COMMD1: variants seen among roughly 807,000 people sequenced by gnomAD.
COMMD1 encodes the protein COMM domain-containing protein 1.
In COMMD1, 10 loss-of-function variants were observed where a neutral mutation model predicts 17.2. The ratio of observed to expected loss-of-function variants is 0.58; its 90% CI spans 0.36 to 0.99. The LOEUF is 0.99. Among genes scored for constraint, COMMD1 ranks in the 50% least tolerant of loss-of-function variants. The pLI is 0.01. For missense variants in COMMD1, 270 were observed against 231.8 expected, an observed-to-expected ratio of 1.17 and a Z score of -1.07; for synonymous variants, 97 against 91.6, an observed-to-expected ratio of 1.06 and a Z score of -0.34.
intron 2 of COMMD1, among the ~76,000 whole-genome samples, chr2:62,093,392 A>C (rs1327043111): frequency 6.6e-6 from 1 of 152,186 alleles, no homozygotes; most frequent in Admixed American, 6.5e-5. Flanking sequence ...TTTTCCCATG[A>C]TACTATTTTT....
At chr2:62,009,601 CA>C (rs548120221) in intron 2 of COMMD1, among the ~76,000 whole-genome samples, 5,853 of 72,876 alleles carry the variant, frequency 0.08, 158 homozygotes, top group East Asian at 0.15. Flanking sequence ...GAGACTGTCT[CA>C]AAAAAAAAAA....
intron 1 of COMMD1, among the ~76,000 whole-genome samples, chr2:61,975,118 CTT>C: frequency 0.025 from 1,997 of 80,202 alleles, 21 homozygotes; most frequent in African/African-American, 0.06. Context: ...TCATTTCTTT[CTT>C]TTTTTTTTTT....
At chr2:62,065,807 GA>G (rs1196761681) in intron 2 of COMMD1, among the ~76,000 whole-genome samples, 1 of 152,186 alleles carries the variant, frequency 6.6e-6, no homozygotes, top group Non-Finnish European at 1.5e-5. Flanking sequence ...AATTAATGTA[GA>G]TGTTTCTGTG....
At chr2:62,119,751 C>T (rs1672695794) in intron 2 of COMMD1, among the ~76,000 whole-genome samples, 1 of 152,112 alleles carries the variant, frequency 6.6e-6, no homozygotes, top group African/African-American at 2.4e-5. Flanking sequence ...AACTGCAATC[C>T]CAGAATTGGT....
At chr2:62,125,296 CTCTA>C (rs1672856897) in intron 2 of COMMD1, among the ~76,000 whole-genome samples, 1 of 152,198 alleles carries the variant, frequency 6.6e-6, no homozygotes. Context: ...TTCCTGCAGA[CTCTA>C]TCTTAGTCCC....
intron 2 of COMMD1, among the ~76,000 whole-genome samples, chr2:62,017,733 A>G (rs768457390): frequency 4.6e-5 from 7 of 151,662 alleles, no homozygotes; most frequent in Non-Finnish European, 8.8e-5. Context: ...TGTTCATGTA[A>G]TTCTTTAAAA....
intron 2 of COMMD1, among the ~76,000 whole-genome samples, chr2:62,057,312 C>T (rs192606960): frequency 1.2e-3 from 175 of 152,170 alleles, no homozygotes; most frequent in Middle Eastern, 6.8e-3. Flanking sequence ...TAGCCAAAAA[C>T]GATAATGTAA....
At position 62,039,366 on chromosome 2, in the gene COMMD1, G is replaced by C. The variant is rs571298840; in HGVS notation, c.462+38384G>C. ...TCCTGGCAGTTGTCCCAGCCTTAAA[G>C]AGAACAAGCCTGTGCTCTTCCCTTT... On this transcript the variant is annotated intron_variant, in intron 2 of 2. Coordinates refer to ENST00000311832, the MANE Select transcript of COMMD1 (RefSeq NM_152516.4). Among the ~76,000 whole-genome samples the C allele has an allele frequency of 2.6e-5, 4 of 152,374 alleles. No homozygotes were observed. The East Asian group carries it at 7.7e-4, about 29-fold the overall frequency.
chr2:62,001,707 A>G (rs1431927809), intron 2 of COMMD1, among the ~76,000 whole-genome samples: 1 of 152,244 alleles, frequency 6.6e-6, no homozygotes, highest in East Asian at 1.9e-4. Flanking sequence ...TTTCAGATAA[A>G]TAATCAAATA....
At chr2:61,962,979 G>A (rs140185168) in intron 1 of COMMD1, among the ~76,000 whole-genome samples, 2,608 of 151,978 alleles carry the variant, frequency 0.017, 53 homozygotes, top group Non-Finnish European at 0.027. Flanking sequence ...TGGCCAACAT[G>A]GTGAAACCCC....
At chr2:62,131,205 C>G (rs566370659) in intron 2 of COMMD1, among the ~76,000 whole-genome samples, 1 of 152,110 alleles carries the variant, frequency 6.6e-6, no homozygotes, top group Non-Finnish European at 1.5e-5. Context: ...CTATTTAAAC[C>G]GTTGAGTTTA....
At chr2:61,891,445 C>G (rs1669427471) in intron 1 of COMMD1, among the ~76,000 whole-genome samples, 1 of 152,086 alleles carries the variant, frequency 6.6e-6, no homozygotes, top group South Asian at 2.1e-4. Flanking sequence ...AATATTAAAA[C>G]CTAAACATGG....
chr2:62,056,132 G>A (rs748550161), intron 2 of COMMD1, among the ~76,000 whole-genome samples: 7 of 152,150 alleles, frequency 4.6e-5, no homozygotes, highest in Non-Finnish European at 1.0e-4. Context: ...TCACTACTTG[G>A]GTCAAAGAGT....
intron 2 of COMMD1, among the ~76,000 whole-genome samples, chr2:62,080,539 T>G (rs775179508): frequency 2.0e-5 from 3 of 151,932 alleles, no homozygotes; most frequent in Non-Finnish European, 4.4e-5. Flanking sequence ...GAAACAGGAG[T>G]TCATAGTCCC....
rs1245532552 is a variant in COMMD1 at position 62,103,837 on chromosome 2, C to T, written c.463-31994C>T. On this transcript the variant is annotated intron_variant, in intron 2 of 2. Coordinates refer to ENST00000311832, the MANE Select transcript of COMMD1 (RefSeq NM_152516.4). Reference sequence around the variant, plus strand: ...TCAATAATTAGAACTGTAATGTGTGCCGTCAGTATTTTTTTTTTTCCAAGA... The same window carrying T: ...TCAATAATTAGAACTGTAATGTGTGTCGTCAGTATTTTTTTTTTTCCAAGA... Among the ~76,000 whole-genome samples the T allele has an allele frequency of 2.6e-5, 4 of 151,854 alleles. No individual in the cohort carries two copies. In the South Asian group the frequency reaches 6.2e-4, roughly 24 times the overall value.
At chr2:61,915,613 T>C (rs1388344736) in intron 1 of COMMD1, 3 of 420,814 alleles carry the variant, frequency 7.1e-6, no homozygotes, top group Non-Finnish European at 1.4e-5. Flanking sequence ...CCTCAGCCTT[T>C]TGAGTAGCTG....
intron 1 of COMMD1, among the ~76,000 whole-genome samples, chr2:61,966,403 TA>T (rs1245058693): frequency 6.6e-6 from 1 of 152,222 alleles, no homozygotes; most frequent in African/African-American, 2.4e-5. Flanking sequence ...TTCTTTTTTT[TA>T]AAATATGTAA....
intron 2 of COMMD1, chr2:62,070,129 G>A (rs1671159510): frequency 6.6e-6 from 1 of 152,196 alleles, no homozygotes; most frequent in African/African-American, 2.4e-5. Flanking sequence ...GATCCCTTAA[G>A]CCTCCTTCAG....
intron 2 of COMMD1, among the ~76,000 whole-genome samples, chr2:62,111,629 G>A (rs1395909717): frequency 6.6e-6 from 1 of 152,132 alleles, no homozygotes; most frequent in African/African-American, 2.4e-5. Context: ...TCTAGTTTCT[G>A]TGACCCACCC....
Sources: gnomAD v4.1 joint callset for allele counts (sites outside exome capture counted in the v4.1 genomes callset) on GRCh38, gnomAD v4.1.1 for gene constraint, MANE v1.5 for transcripts, NCBI Gene and HGNC (gene_info 2026-07-23, HGNC 2026-07-21) for gene names.